MTM1: variants seen among roughly 807,000 people sequenced by gnomAD.
The protein encoded by MTM1 is myotubularin.
Under a neutral mutation model 52.1 loss-of-function variants are expected in MTM1, and 9 were observed. The ratio of observed to expected loss-of-function variants is 0.17; its 90% CI spans 0.10 to 0.30. MTM1 has a LOEUF of 0.30. MTM1 is among the 10% of genes least tolerant of loss of function. The pLI is 1.00. For synonymous variants in MTM1, 136 were observed against 163.8 expected, an observed-to-expected ratio of 0.83 and a Z score of 1.29; for missense variants, 277 against 470.7, an observed-to-expected ratio of 0.59 and a Z score of 3.81.
intron 11 of MTM1, 133 bp from the exon 12 acceptor site, chrX:150,659,531 A>G (rs968643688): frequency 1.4e-5 from 7 of 514,454 alleles, no homozygotes; most frequent in Non-Finnish European, 2.4e-5. Context: ...ATGGAAGTAT[A>G]TATTATTTCC....
intron 1 of MTM1, among the ~76,000 whole-genome samples, chrX:150,574,981 A>G (rs782770434): frequency 1.8e-5 from 2 of 112,269 alleles, no homozygotes; most frequent in Non-Finnish European, 3.8e-5. Flanking sequence ...GGAAGCAGTA[A>G]TATCAGGATT....
At chrX:150,573,197 T>A (rs1209387692) in intron 1 of MTM1, among the ~76,000 whole-genome samples, 3 of 112,504 alleles carry the variant, frequency 2.7e-5, no homozygotes, top group African/African-American at 9.7e-5. Context: ...GAGATCATGC[T>A]CCCTGTCTGC....
rs2038910542 is a variant in MTM1 at position 150,592,866 on chromosome X, C to CA, written c.63+190dup. ...AAAAGCTTTTTTTTTTTTTTGGAGA[C>CA]AGAGTCTCGCTCCGTAGCCCAGGTT... On this transcript the variant is annotated intron_variant, in intron 2 of 14. Transcript: ENST00000370396. 5.9e-5 allele frequency among the ~76,000 whole-genome samples: 6 copies of CA among 102,453 alleles called. No homozygotes were observed. The South Asian group carries it at 2.8e-3, about 47-fold the overall frequency. The allele number at this position is 102,453 out of a possible 115,157, so 89.0% of individuals were successfully genotyped here.
intron 12 of MTM1, among the ~76,000 whole-genome samples, chrX:150,660,097 TAACTA>T (rs782062890): frequency 2.0e-4 from 22 of 112,323 alleles, no homozygotes; most frequent in African/African-American, 7.1e-4. Context: ...ATAGCTTAAA[TAACTA>T]AACTACACTG....
chrX:150,642,562 T>C (rs1353450441), intron 8 of MTM1, among the ~76,000 whole-genome samples: 1 of 112,094 alleles, frequency 8.9e-6, no homozygotes, highest in Admixed American at 9.4e-5. Context: ...AACATGATGC[T>C]AATGAAGCTA....
chrX:150,628,263 A>G (rs2039603833), intron 6 of MTM1, among the ~76,000 whole-genome samples: 1 of 111,705 alleles, frequency 9.0e-6, no homozygotes. Context: ...TGTTATATCC[A>G]GCATTTTTAG....
intron 4 of MTM1, among the ~76,000 whole-genome samples, chrX:150,606,289 CAAAAACCTA>C (rs1177932274): frequency 9.0e-6 from 1 of 111,308 alleles, no homozygotes; most frequent in Non-Finnish European, 1.9e-5. Flanking sequence ...CAAAACAAAA[CAAAAACCTA>C]ATTCCTGCCA....
chrX:150,596,500 G>A lies in MTM1; in HGVS notation c.66G>A (p.Thr22=), dbSNP rs781793926. The change falls in exon 3 of 15, where the codon ACG becomes ACA. Residue 22 remains threonine, a splice_region_variant and synonymous_variant. Transcript: ENST00000370396. ...TGATGCATCTGTTTTGTTTCTAGAC[G>A]TCTCGAGATGGAGTCAATCGAGATC... ...HSLENESIKR[T]SRDGVNRDLT... is the part of the protein sequence containing the mutation. The A allele has an allele frequency of 1.1e-5, 13 of 1,203,802 alleles. No homozygotes were observed. In the African/African-American group the frequency reaches 1.6e-4, roughly 15 times the overall value.
At chrX:150,623,716 G>A (rs183944170) in intron 6 of MTM1, among the ~76,000 whole-genome samples, 1 of 110,847 alleles carries the variant, frequency 9.0e-6, no homozygotes, top group East Asian at 2.9e-4. Flanking sequence ...TTATTTCTGT[G>A]AGACAGGAGG....
rs782233925 is a variant in MTM1 at position 150,603,131 on chromosome X, C to T, written c.231+4445C>T. Among the ~76,000 whole-genome samples, 5 of 112,018 alleles carry T rather than the reference C, an allele frequency of 4.5e-5. No individual in the cohort carries two copies. In the Admixed American group the frequency reaches 4.7e-4, roughly 11 times the overall value. ...GGACAGGAAGGAAAAAGGAGCATAT[C>T]AGGTAGAGAGTTACCGTGTCTATAT... is the stretch of plus-strand genomic sequence containing the variant. On this transcript the variant is annotated intron_variant, in intron 4 of 14. Transcript: ENST00000370396.
chrX:150,596,582 C>G lies in MTM1; in HGVS notation c.136+12C>G. 2 of 1,193,011 alleles carry G rather than the reference C, an allele frequency of 1.7e-6. No homozygotes were observed. The highest frequency in any genetic ancestry group is 2.3e-6 in the Non-Finnish European group (2 of 878,837). On this transcript the variant is annotated intron_variant, in intron 3 of 14. Transcript: ENST00000370396. ...AACACTAATCACTGGTAAGGACCTG[C>G]TGACATAAGATTTGCATAACTTGAG...
At chrX:150,563,099 C>A in the MTM1 span, among the ~76,000 whole-genome samples, 2 of 110,307 alleles carry the variant, frequency 1.8e-5, no homozygotes, top group Admixed American at 1.9e-4. Context: ...TGTTCTATTT[C>A]TTGATTGTGA....
intron 10 of MTM1, among the ~76,000 whole-genome samples, chrX:150,651,745 T>C (rs2040025107): frequency 9.0e-6 from 1 of 110,804 alleles, no homozygotes; most frequent in African/African-American, 3.3e-5. Context: ...AGCCCTTTAA[T>C]GTAGATTCTG....
chrX:150,570,409 C>T (rs899101730), intron 1 of MTM1, among the ~76,000 whole-genome samples: 1 of 111,377 alleles, frequency 9.0e-6, no homozygotes, highest in African/African-American at 3.3e-5. Context: ...GAAATAAATC[C>T]AAAAGTAAAT....
At chrX:150,598,892 T>C (rs2039023378) in intron 4 of MTM1, among the ~76,000 whole-genome samples, 1 of 112,225 alleles carries the variant, frequency 8.9e-6, no homozygotes, top group African/African-American at 3.2e-5. Flanking sequence ...AAAAGTCTTA[T>C]CCCTCATAAT....
At chrX:150,582,894 G>C (rs782779695) in intron 1 of MTM1, among the ~76,000 whole-genome samples, 1 of 105,156 alleles carries the variant, frequency 9.5e-6, no homozygotes, top group East Asian at 3.0e-4. Flanking sequence ...GACACCAATA[G>C]ACTGCCCATC....
chrX:150,588,952 T>A (rs1167183184), intron 1 of MTM1, among the ~76,000 whole-genome samples: 1 of 111,952 alleles, frequency 8.9e-6, no homozygotes, highest in Admixed American at 9.5e-5. Context: ...AATCCTTAAT[T>A]GCCCAGTTCA....
At chrX:150,610,974 A>AT (rs1422688621) in intron 4 of MTM1, among the ~76,000 whole-genome samples, 1 of 112,441 alleles carries the variant, frequency 8.9e-6, no homozygotes, top group Non-Finnish European at 1.9e-5. Flanking sequence ...TCAATATGGT[A>AT]TATCTAAGCA....
intron 6 of MTM1, among the ~76,000 whole-genome samples, chrX:150,622,995 AAATTATAGT>A (rs1171809652): frequency 1.8e-5 from 2 of 111,756 alleles, no homozygotes; most frequent in Non-Finnish European, 3.8e-5. Context: ...AATACGATGT[AAATTATAGT>A]TTCTTTTCCC....
Sources: allele counts gnomAD v4.1 joint callset (sites outside exome capture counted in the v4.1 genomes callset), GRCh38; gene constraint gnomAD v4.1.1; transcripts MANE v1.5; gene names NCBI Gene and HGNC (gene_info 2026-07-23, HGNC 2026-07-21).